The following CR1 variants were observed in gnomAD, a reference collection of about 807,000 sequenced individuals.
CR1 encodes the protein complement C3b/C4b receptor 1 (Knops blood group), also known as complement receptor type 1.
CR1 carries 116 observed loss-of-function variants against 187.3 expected under a neutral mutation model. That is an observed-to-expected ratio of 0.62 (90% CI 0.53 to 0.72). CR1 has a LOEUF of 0.72. Among genes scored for constraint, CR1 ranks in the 30% least tolerant of loss-of-function variants. The pLI is 0.00. For missense variants in CR1, 1,731 were observed against 2,110.7 expected, an observed-to-expected ratio of 0.82 and a Z score of 3.52; for synonymous variants, 576 against 747.1, an observed-to-expected ratio of 0.77 and a Z score of 3.73.
At chr1:207,525,979 A>C (rs1166283154) in intron 5 of CR1, among the ~76,000 whole-genome samples, 2 of 152,090 alleles carry the variant, frequency 1.3e-5, no homozygotes, top group African/African-American at 2.4e-5. Flanking sequence ...ATTTTATAAC[A>C]GTTTTATGTA....
chr1:207,500,752 T>G (rs1440655890), intron 1 of CR1, among the ~76,000 whole-genome samples: 1 of 152,196 alleles, frequency 6.6e-6, no homozygotes, highest in Non-Finnish European at 1.5e-5. Context: ...CACTCAACAT[T>G]TTACTCTTAG....
At chr1:207,586,593 CA>C (rs1194372605) in intron 33 of CR1, among the ~76,000 whole-genome samples, 2 of 152,216 alleles carry the variant, frequency 1.3e-5, no homozygotes, top group Admixed American at 6.5e-5. Context: ...GAGATGTTGG[CA>C]GAGGTATTTT....
intron 1 of CR1, among the ~76,000 whole-genome samples, chr1:207,502,691 CA>C (rs1659307745): frequency 6.6e-6 from 1 of 152,208 alleles, no homozygotes; most frequent in African/African-American, 2.4e-5. Flanking sequence ...ATGATGGATA[CA>C]GGCTGTCTGG....
chr1:207,605,224 C>T (rs944363142), intron 35 of CR1, among the ~76,000 whole-genome samples: 1 of 146,836 alleles, frequency 6.8e-6, no homozygotes, highest in African/African-American at 2.5e-5. Context: ...CACATCACTG[C>T]ACTCCAGCCT....
intron 37 of CR1, 92 bp from the exon 38 acceptor site, chr1:207,611,585 A>G (rs1661930745): frequency 1.3e-6 from 2 of 1,540,684 alleles, no homozygotes; most frequent in African/African-American, 1.4e-5. Context: ...GCACTCTGCA[A>G]TGACGATTTT....
chr1:207,623,225 T>G (rs966350574), intron 45 of CR1, among the ~76,000 whole-genome samples, 157 bp downstream of exon 45: 2 of 152,054 alleles, frequency 1.3e-5, no homozygotes, highest in African/African-American at 4.8e-5. Flanking sequence ...CAAAGAGGTA[T>G]TCACACTAAA....
chr1:207,588,891 A>G, intron 35 of CR1, 117 bp downstream of exon 35: 1 of 665,226 alleles, frequency 1.5e-6, no homozygotes, highest in South Asian at 2.0e-5. Context: ...AGCAAGCAAT[A>G]GGACTTATAG....
chr1:207,524,162 G>A (rs1358422570), intron 5 of CR1, among the ~76,000 whole-genome samples, 153 bp downstream of exon 5: 1 of 152,096 alleles, frequency 6.6e-6, no homozygotes, highest in Non-Finnish European at 1.5e-5. Context: ...GAAGGTGTGT[G>A]TACATGCACA....
chr1:207,634,442 G>A (rs1372015079), intron 46 of CR1, among the ~76,000 whole-genome samples: 1 of 152,180 alleles, frequency 6.6e-6, no homozygotes, highest in African/African-American at 2.4e-5. Flanking sequence ...TGTGCCAAGC[G>A]TTAAGACCTT....
Position 207,496,311 on chromosome 1 carries a change from C to T in CR1, c.44C>T (p.Pro15Leu), listed in dbSNP as rs775590306. Residue 15 changes from proline (P) to leucine (L), a missense_variant, in exon 1 of 47, where the codon CCG (proline) becomes CTG (leucine). Transcript: ENST00000367049. ...AGAAGCCCGGAGCCTGTCGGGCCGC[C>T]GGCGCCCGGTCTCCCCTTCTGCTGC... is the stretch of plus-strand genomic sequence containing the variant. ...SPRSPEPVGP[P>L]APGLPFCCGG... 4.3e-6 allele frequency: 7 copies of T among 1,613,646 alleles called. No homozygotes were observed. Among genetic ancestry groups the T allele is most frequent in the Non-Finnish European group, 5.1e-6 (6 of 1,179,826 alleles).
Position 207,641,089 on chromosome 1 carries a change from C to G in CR1, c.*1680C>G, listed in dbSNP as rs935453581. ...CAGCTAGGTCACCAAGAAAGAAGGGCAAATAGGTGGTGAGTATATGTAAAG... is the reference window on the plus strand; with the variant it reads ...CAGCTAGGTCACCAAGAAAGAAGGGGAAATAGGTGGTGAGTATATGTAAAG... On this transcript the variant is annotated 3_prime_UTR_variant, in exon 47 of 47. Transcript: ENST00000367049. 4 of 152,060 alleles carry G rather than the reference C, an allele frequency of 2.6e-5. No individual in the cohort carries two copies. The highest frequency in any genetic ancestry group is 9.7e-5 in the African/African-American group (4 of 41,390). The allele number at this position is 152,060 out of a possible 1,614,324, so 9.4% of individuals were successfully genotyped here.
chr1:207,505,256 C>G (rs1035826941), intron 1 of CR1, among the ~76,000 whole-genome samples: 8 of 152,140 alleles, frequency 5.3e-5, no homozygotes, highest in African/African-American at 1.9e-4. Flanking sequence ...TGGGTTCAAG[C>G]AATTCTCCTG....
chr1:207,523,952 C>G lies in CR1; in HGVS notation c.829C>G (p.Arg277Gly), dbSNP rs199777103. 1.9e-6 allele frequency: 3 copies of G among 1,611,614 alleles called. No individual in the cohort carries two copies. The highest frequency in any genetic ancestry group is 2.5e-6 in the Non-Finnish European group (3 of 1,179,720). The change falls in exon 5 of 47, where the codon CGT (arginine) becomes GGT (glycine). Residue 277 changes from arginine to glycine, a missense_variant. Arg to Gly is a moderately radical substitution (Grantham distance 125, BLOSUM62 -2). Transcript: ENST00000367049. Reference protein sequence around the residue: ...QPGFVMKGPRRVKCQALNKWE... With the variant: ...QPGFVMKGPRGVKCQALNKWE... ...TGGCTTTGTCATGAAAGGACCCCGC[C>G]GTGTGAAGTGCCAGGCCCTGAACAA...
chr1:207,607,133 G>A (rs905603094), intron 35 of CR1, 118 bp from the exon 36 acceptor site: 2 of 696,400 alleles, frequency 2.9e-6, no homozygotes, highest in South Asian at 2.1e-5. Context: ...TCCTTCCGAG[G>A]TCTGCCATGG....
At chr1:207,606,682 G>A (rs1661761613) in intron 35 of CR1, 1 of 152,126 alleles carries the variant, frequency 6.6e-6, no homozygotes, top group Admixed American at 6.5e-5. Context: ...TACGTTTTGT[G>A]GCCTACTCTG....
chr1:207,587,696 C>CT, intron 34 of CR1, 131 bp downstream of exon 34: 1 of 759,306 alleles, frequency 1.3e-6, no homozygotes, highest in Non-Finnish European at 2.0e-6. Flanking sequence ...CTCAGGAGTT[C>CT]GCAACCAGCC....
chr1:207,623,282 CA>C (rs67144627), intron 45 of CR1, among the ~76,000 whole-genome samples: 149,689 of 151,926 alleles, frequency 0.99, 73,759 homozygotes, highest in Middle Eastern at 1. Flanking sequence ...ATAATAATAA[CA>C]AAAAAAAAGA....
intron 35 of CR1, among the ~76,000 whole-genome samples, chr1:207,589,401 A>G (rs1474502932): frequency 6.6e-6 from 1 of 152,172 alleles, no homozygotes; most frequent in Non-Finnish European, 1.5e-5. Context: ...ACAAACATAA[A>G]GGAATAGCAT....
At chr1:207,579,215 T>C (rs1051578722) in intron 29 of CR1, among the ~76,000 whole-genome samples, 4 of 152,246 alleles carry the variant, frequency 2.6e-5, no homozygotes, top group African/African-American at 7.2e-5. Context: ...TGGCTTGTGT[T>C]TTTGATGGCT....
Sources: gnomAD v4.1 joint callset for allele counts (sites outside exome capture counted in the v4.1 genomes callset) on GRCh38, gnomAD v4.1.1 for gene constraint, MANE v1.5 for transcripts, NCBI Gene and HGNC (gene_info 2026-07-23, HGNC 2026-07-21) for gene names.